DCAF6: variants seen among roughly 807,000 people sequenced by gnomAD.
DCAF6 encodes DDB1- and CUL4-associated factor 6.
A neutral mutation model predicts 125.1 loss-of-function variants in DCAF6; 54 were observed. The observed-to-expected ratio is 0.43, with a 90% CI of 0.35 to 0.54. The LOEUF is 0.54. DCAF6 is among the 20% of genes least tolerant of loss of function. DCAF6 has a pLI of 0.01. For synonymous variants in DCAF6, 371 were observed against 390.4 expected (o/e 0.95, Z 0.58); for missense variants, 934 against 1,161.7 (o/e 0.80, Z 2.85).
chr1:167,951,886 C>G (rs763243782), intron 2 of DCAF6, 25 bp downstream of exon 2: 1 of 1,542,350 alleles, frequency 6.5e-7, no homozygotes, highest in Non-Finnish European at 8.9e-7. Flanking sequence ...ATTCTCAACT[C>G]TGAAGGGATT....
At position 168,065,083 on chromosome 1, in the gene DCAF6, T is replaced by A. The variant is rs375201472; in HGVS notation, c.2440-507T>A. Among the ~76,000 whole-genome samples, 116 of 152,332 alleles carry A rather than the reference T, an allele frequency of 7.6e-4. 1 individual carries two copies. In the South Asian group the frequency reaches 0.022, roughly 29 times the overall value. Reference sequence around the variant, plus strand: ...ACAATTTTTGGAAAGTTCAGCAACATATATGTAAATTGCCATTATACTGCC... The same window carrying A: ...ACAATTTTTGGAAAGTTCAGCAACAAATATGTAAATTGCCATTATACTGCC... On this transcript the variant is annotated intron_variant, in intron 18 of 21. Coordinates refer to ENST00000367840, the MANE Select transcript of DCAF6 (RefSeq NM_001198956.2).
chr1:167,930,080 T>C, the DCAF6 span, among the ~76,000 whole-genome samples: 4 of 152,204 alleles, frequency 2.6e-5, no homozygotes, highest in Non-Finnish European at 5.9e-5. Flanking sequence ...CCAAAGCTAG[T>C]TCTGATTTAA....
intron 12 of DCAF6, among the ~76,000 whole-genome samples, chr1:168,033,794 G>A (rs1687450886): frequency 6.6e-6 from 1 of 152,182 alleles, no homozygotes; most frequent in African/African-American, 2.4e-5. Context: ...ACTCTAAGCT[G>A]CTGATGTCAT....
chr1:167,994,402 G>C (rs1681334888), intron 7 of DCAF6, among the ~76,000 whole-genome samples: 1 of 152,062 alleles, frequency 6.6e-6, no homozygotes, highest in Non-Finnish European at 1.5e-5. Context: ...TGGATCAATA[G>C]AAGTTTTACG....
intron 12 of DCAF6, chr1:168,023,870 C>CTTAG (rs892382139): frequency 6.6e-6 from 1 of 152,110 alleles, no homozygotes; most frequent in Non-Finnish European, 1.5e-5. Flanking sequence ...GATAAGTAAT[C>CTTAG]TTAGTTAAGT....
At chr1:167,908,482 C>CT in the DCAF6 span, among the ~76,000 whole-genome samples, 9 of 152,034 alleles carry the variant, frequency 5.9e-5, no homozygotes, top group African/African-American at 2.2e-4. Context: ...GAGATCTAAC[C>CT]TAGAGCAAGG....
At chr1:167,899,551 C>T in the DCAF6 span, 2 of 1,614,256 alleles carry the variant, frequency 1.2e-6, no homozygotes, top group East Asian at 2.2e-5. Context: ...ACATCGTCCA[C>T]TGCCTGACCA....
chr1:167,935,664 C>T (rs774355460), upstream of DCAF6: 83 of 1,353,776 alleles, frequency 6.1e-5, no homozygotes, highest in Admixed American at 7.9e-5. Flanking sequence ...GTCAGAGGGC[C>T]TCTAAAAGGT....
chr1:168,003,675 A>G (rs982675187), intron 8 of DCAF6, among the ~76,000 whole-genome samples, 195 bp from the exon 9 acceptor site: 2 of 152,176 alleles, frequency 1.3e-5, no homozygotes, highest in Non-Finnish European at 2.9e-5. Flanking sequence ...ACACATGGAA[A>G]GTCACTGATA....
At chr1:168,012,852 T>C (rs1557976524) in intron 10 of DCAF6, among the ~76,000 whole-genome samples, 1 of 152,202 alleles carries the variant, frequency 6.6e-6, no homozygotes, top group South Asian at 2.1e-4. Context: ...TAAATCTTGA[T>C]TTTTTTCAAG....
chr1:167,904,081 G>GT, the DCAF6 span: 11 of 501,594 alleles, frequency 2.2e-5, no homozygotes, highest in East Asian at 4.3e-5. Context: ...GCGGGCCTCA[G>GT]CTTTTTTTTT....
intron 3 of DCAF6, among the ~76,000 whole-genome samples, chr1:167,970,870 A>G (rs1356542426): frequency 2.0e-5 from 3 of 152,112 alleles, no homozygotes; most frequent in Non-Finnish European, 4.4e-5. Context: ...TATTAATGCA[A>G]TTATATTTTA....
chr1:167,920,986 G>A, the DCAF6 span, among the ~76,000 whole-genome samples: 1 of 151,944 alleles, frequency 6.6e-6, no homozygotes, highest in African/African-American at 2.4e-5. Flanking sequence ...TATATGTCAG[G>A]AACCACTAAC....
chr1:167,931,268 C>G (rs1411225620), upstream of DCAF6, among the ~76,000 whole-genome samples: 1 of 152,136 alleles, frequency 6.6e-6, no homozygotes, highest in East Asian at 1.9e-4. Context: ...AGAATACAAA[C>G]TCTGTGTGGG....
At chr1:167,903,388 A>AC in the DCAF6 span, among the ~76,000 whole-genome samples, 1 of 152,078 alleles carries the variant, frequency 6.6e-6, no homozygotes, top group Admixed American at 6.6e-5. Context: ...ACATGGTGAG[A>AC]CCCCATCTCT....
At chr1:167,938,209 C>T (rs893143955) in intron 1 of DCAF6, among the ~76,000 whole-genome samples, 1 of 152,104 alleles carries the variant, frequency 6.6e-6, no homozygotes, top group African/African-American at 2.4e-5. Flanking sequence ...TTCTTCCAGA[C>T]CTTTTTGTTT....
intron 1 of DCAF6, among the ~76,000 whole-genome samples, chr1:167,950,793 T>C (rs935113323): frequency 1.3e-5 from 2 of 152,234 alleles, no homozygotes; most frequent in Admixed American, 6.5e-5. Flanking sequence ...TTGGTAAAGA[T>C]GATTCATTCC....
At chr1:167,968,582 A>G (rs1676812536) in intron 3 of DCAF6, 1 of 152,418 alleles carries the variant, frequency 6.6e-6, no homozygotes, top group Admixed American at 6.5e-5. Flanking sequence ...AGGCAGGAGA[A>G]GCTGTCGGGT....
At chr1:167,907,085 A>C in the DCAF6 span, among the ~76,000 whole-genome samples, 1 of 152,346 alleles carries the variant, frequency 6.6e-6, no homozygotes, top group Admixed American at 6.5e-5. Context: ...ATTTTAAATA[A>C]ATTCTAGCTA....
Sources: allele counts gnomAD v4.1 joint callset (sites outside exome capture counted in the v4.1 genomes callset), GRCh38; gene constraint gnomAD v4.1.1; transcripts MANE v1.5; gene names NCBI Gene and HGNC (gene_info 2026-07-23, HGNC 2026-07-21).